ZNF346: variants seen among roughly 807,000 people sequenced by gnomAD.
The protein encoded by ZNF346 is zinc finger protein 346, also known as double-stranded RNA-binding zinc finger protein JAZ.
A neutral mutation model predicts 33.7 loss-of-function variants in ZNF346; 23 were observed. The ratio of observed to expected loss-of-function variants is 0.68; its 90% confidence interval spans 0.49 to 0.97. The LOEUF (loss-of-function observed/expected upper bound fraction) is 0.97. ZNF346 is among the 50% of genes least tolerant of loss of function. The pLI is 0.00. For synonymous variants in ZNF346, 134 were observed against 142.4 expected (o/e 0.94, Z 0.42); for missense variants, 340 against 371.1 (o/e 0.92, Z 0.69).
At chr5:177,024,072 A>G (rs2149567382) in intron 1 of ZNF346, among the ~76,000 whole-genome samples, 1 of 148,884 alleles carries the variant, frequency 6.7e-6, no homozygotes, top group African/African-American at 2.4e-5. Context: ...TATATAATAT[A>G]CACACACATA....
chr5:177,044,084 G>C (rs768792421), intron 3 of ZNF346, among the ~76,000 whole-genome samples: 1 of 151,812 alleles, frequency 6.6e-6, no homozygotes, highest in African/African-American at 2.4e-5. Flanking sequence ...GTCCCCCAGA[G>C]GAAAAGCTTA....
At chr5:177,037,533 A>C (rs140056714) in intron 1 of ZNF346, among the ~76,000 whole-genome samples, 1 of 152,306 alleles carries the variant, frequency 6.6e-6, no homozygotes, top group Non-Finnish European at 1.5e-5. Context: ...TTCAAAACCT[A>C]GGAGTTATCC....
At chr5:177,043,467 A>G (rs1281918022) in intron 3 of ZNF346, among the ~76,000 whole-genome samples, 2 of 152,100 alleles carry the variant, frequency 1.3e-5, no homozygotes, top group East Asian at 1.9e-4. Flanking sequence ...ATAATCAACA[A>G]GTAGAACGCA....
chr5:177,038,897 TG>T (rs1778965082), intron 1 of ZNF346, among the ~76,000 whole-genome samples: 2 of 151,418 alleles, frequency 1.3e-5, no homozygotes, highest in African/African-American at 2.4e-5. Flanking sequence ...TGTGTGTGTG[TG>T]TGTGTGTGTG....
At chr5:177,060,068 C>G (rs1782278816) in intron 5 of ZNF346, among the ~76,000 whole-genome samples, 2 of 152,152 alleles carry the variant, frequency 1.3e-5, no homozygotes, top group Non-Finnish European at 2.9e-5. Context: ...CTTTGTGGGT[C>G]ATGTTAGGGC....
intron 5 of ZNF346, among the ~76,000 whole-genome samples, chr5:177,056,355 C>T (rs1019561340): frequency 5.9e-5 from 9 of 152,208 alleles, no homozygotes; most frequent in African/African-American, 2.2e-4. Context: ...TTGTGGAAGA[C>T]AGTGTGGCGA....
chr5:177,073,822 C>CGGGGGGG (rs1783616050), intron 8 of ZNF346, among the ~76,000 whole-genome samples: 1 of 13,656 alleles, frequency 7.3e-5, no homozygotes, highest in Non-Finnish European at 1.3e-4. Context: ...ATCGGGCGGG[C>CGGGGGGG]GGGGGAGGGG....
At chr5:177,069,407 C>T (rs898045601), downstream of ZNF346, among the ~76,000 whole-genome samples, 7 of 150,354 alleles carry the variant, frequency 4.7e-5, 2 homozygotes, top group African/African-American at 1.7e-4. Flanking sequence ...GAGCTGAGAT[C>T]GCGCCACTGC....
chr5:177,023,241 C>A, intron 1 of ZNF346: 1 of 1,531,006 alleles, frequency 6.5e-7, no homozygotes, highest in Non-Finnish European at 8.8e-7. Context: ...CCCGGTAAGC[C>A]AAGCCGAGTG....
intron 5 of ZNF346, 64 bp downstream of exon 5, chr5:177,051,000 A>G (rs1780784924): frequency 7.5e-7 from 1 of 1,329,946 alleles, no homozygotes; most frequent in Admixed American, 1.7e-5. Flanking sequence ...TACCCGGACC[A>G]GCTGACGTTG....
At chr5:177,080,427 G>A (rs1377376852) in exon 9 of ZNF346, 1 of 152,250 alleles carries the variant, frequency 6.6e-6, no homozygotes, top group Non-Finnish European at 1.5e-5. Context: ...AGTCCTCACG[G>A]AAGATGTATT....
downstream of ZNF346, among the ~76,000 whole-genome samples, chr5:177,068,066 T>C (rs1479946604): frequency 8.4e-6 from 1 of 118,810 alleles, no homozygotes; most frequent in East Asian, 2.0e-4. Flanking sequence ...TCCAGTTCTC[T>C]AGACTTCCTC....
chr5:177,056,548 A>G (rs2149685741), intron 5 of ZNF346, among the ~76,000 whole-genome samples: 2 of 152,364 alleles, frequency 1.3e-5, no homozygotes, highest in Middle Eastern at 6.8e-3. Context: ...GGATTAAGAA[A>G]TTGTGGCACA....
Position 177,044,447 on chromosome 5 carries a change from C to G in ZNF346, c.431C>G (p.Ser144Cys). The G allele has an allele frequency of 6.2e-7, 1 of 1,614,112 alleles. No individual in the cohort carries two copies. The highest frequency in any genetic ancestry group is 8.5e-7 in the Non-Finnish European group (1 of 1,180,028). The change falls in exon 4 of 7, where the codon TCC becomes TGC. Residue 144 changes from serine (S) to cysteine (C), a missense_variant. Coordinates refer to ENST00000358149, the MANE Select transcript of ZNF346 (RefSeq NM_012279.4). ...TGCCCCATCTGTAACATGACCTTTT[C>G]CTCCCCTGTCGTGGCCCAGTCGCAC... ...QCCPICNMTF[S>C]SPVVAQSHYL...
intron 8 of ZNF346, among the ~76,000 whole-genome samples, chr5:177,076,896 C>T (rs1783776823): frequency 1.3e-5 from 2 of 152,074 alleles, no homozygotes; most frequent in African/African-American, 4.8e-5. Context: ...CAAAAATTAG[C>T]TGGGCATGGT....
Position 177,064,871 on chromosome 5 carries a change from A to C in ZNF346, c.*272A>C. The C allele has an allele frequency of 2.3e-6, 1 of 441,978 alleles. No individual in the cohort carries two copies. The highest frequency in any genetic ancestry group is 4.1e-6 in the Non-Finnish European group (1 of 243,854). 27.4% of individuals were successfully genotyped at this position (441,978 alleles called of 1,614,324 possible). A position where few individuals can be genotyped will look rare whatever the true frequency, so the allele number is the denominator to read the frequency against. On this transcript the variant is annotated 3_prime_UTR_variant, in exon 7 of 7. Coordinates refer to ENST00000358149, the MANE Select transcript of ZNF346 (RefSeq NM_012279.4). ...GGTAGTTTGGAGGGTGGCTTTCCCC[A>C]TTTCCCAACCCCTCTGGGCCTTAGG... is the stretch of plus-strand genomic sequence containing the variant.
intron 1 of ZNF346, among the ~76,000 whole-genome samples, chr5:177,029,780 G>A (rs1206427981): frequency 6.6e-6 from 1 of 152,168 alleles, no homozygotes; most frequent in African/African-American, 2.4e-5. Flanking sequence ...TCTGTGAGCT[G>A]CTCTAGCAAA....
chr5:177,035,105 C>T (rs1356420141), intron 1 of ZNF346, among the ~76,000 whole-genome samples: 1 of 152,094 alleles, frequency 6.6e-6, no homozygotes, highest in Non-Finnish European at 1.5e-5. Flanking sequence ...CAACCTCCAC[C>T]TCCTGGGTTC....
At chr5:177,024,242 C>T (rs935359144) in intron 1 of ZNF346, among the ~76,000 whole-genome samples, 23 of 132,154 alleles carry the variant, frequency 1.7e-4, no homozygotes. Context: ...ACTCTGTCAC[C>T]CAGGTTGGAG....
Sources: allele counts gnomAD v4.1 joint callset (sites outside exome capture counted in the v4.1 genomes callset), GRCh38; gene constraint gnomAD v4.1.1; transcripts MANE v1.5; gene names NCBI Gene and HGNC (gene_info 2026-07-23, HGNC 2026-07-21).